Variants in ASPSCR1 observed in about 807,000 individuals in gnomAD.
ASPSCR1 encodes ASPSCR1 tether for SLC2A4, UBX domain containing, also known as tether containing UBX domain for GLUT4.
Under a neutral mutation model 68.9 loss-of-function variants are expected in ASPSCR1, and 55 were observed. The ratio of observed to expected loss-of-function variants is 0.80; its 90% CI spans 0.64 to 1.00. The LOEUF (loss-of-function observed/expected upper bound fraction) is 1.00. ASPSCR1 is among the 50% of genes least tolerant of loss of function. The probability of loss-of-function intolerance (pLI) is 0.00; values close to 1 mark genes in which losing one functional copy is unlikely to be tolerated. For missense variants in ASPSCR1, 765 were observed against 762.2 expected (o/e 1.00, Z -0.04); for synonymous variants, 352 against 332.6 (o/e 1.06, Z -0.63).
intron 3 of ASPSCR1, among the ~76,000 whole-genome samples, chr17:81,985,114 C>G (rs1226067571): frequency 2.0e-5 from 3 of 150,062 alleles, no homozygotes; most frequent in Non-Finnish European, 4.4e-5. Flanking sequence ...CCGCACACAC[C>G]TGCATGTAAA....
At position 82,017,108 on chromosome 17, in the gene ASPSCR1, T is replaced by C; in HGVS notation, c.1643T>C (p.Leu548Pro). 6.3e-7 allele frequency: 1 copy of C among 1,591,018 alleles called. No homozygotes were observed. Among genetic ancestry groups the C allele is most frequent in the Non-Finnish European group, 8.5e-7 (1 of 1,170,478 alleles). The change falls in exon 15 of 16, where the codon CTG becomes CCG. Residue 548 changes from leucine (L) to proline (P), a missense_variant. Transcript: ENST00000306739. The stretch of plus-strand genomic sequence containing the variant: ...GGCAAGGTGCCCAAGTGGCTGAAGC[T>C]GCCGGGTACTGCGGCTGGGTGGAAG... ...SLGKVPKWLKLPASKR is the reference protein window; with the variant it reads ...SLGKVPKWLKPPASKR
chr17:82,010,088 T>TTTG (rs1555638225), intron 9 of ASPSCR1: 8 of 103,488 alleles, frequency 7.7e-5, no homozygotes, highest in Admixed American at 1.9e-4. Flanking sequence ...ATTTTTGTTG[T>TTTG]TTTTTTTTTT....
intron 4 of ASPSCR1, among the ~76,000 whole-genome samples, chr17:81,988,731 A>G (rs904582281): frequency 3.3e-5 from 5 of 152,158 alleles, no homozygotes; most frequent in Non-Finnish European, 7.3e-5. Flanking sequence ...CACTCCTCAC[A>G]GCCATGCTCT....
intron 12 of ASPSCR1, chr17:82,014,365 T>G (rs1462209689): frequency 6.5e-6 from 1 of 152,772 alleles, no homozygotes; most frequent in Admixed American, 6.5e-5. Context: ...ACAAATGGTC[T>G]TGCAGAAGGC....
intron 12 of ASPSCR1, chr17:82,014,758 G>C (rs759107268): frequency 6.9e-6 from 3 of 435,926 alleles, no homozygotes; most frequent in East Asian, 4.3e-5. Flanking sequence ...GGGGGTTGAC[G>C]TGGGCCTCCT....
rs2041716477 is a variant in ASPSCR1 at position 81,979,209 on chromosome 17, A to G, written c.128A>G (p.Gln43Arg). Residue 43 changes from glutamine (Q) to arginine (R), a missense_variant, in exon 2 of 16, where the codon CAG becomes CGG. By Grantham distance (43) the Gln-to-Arg change is conservative. Transcript: ENST00000306739. ...LQVLEDTCRR[Q>R]DFNPCEYDLK... Reference sequence around the variant, plus strand: ...GTTCTGGAGGACACGTGCCGGCGGCAGGACTTCAACCCCTGTGAATATGAT... The same window carrying G: ...GTTCTGGAGGACACGTGCCGGCGGCGGGACTTCAACCCCTGTGAATATGAT... The G allele has an allele frequency of 1.2e-6, 2 of 1,614,038 alleles. No individual in the cohort carries two copies. Among genetic ancestry groups the G allele is most frequent in the Admixed American group, 1.7e-5 (1 of 60,006 alleles).
chr17:82,015,225 C>A, intron 12 of ASPSCR1: 1 of 1,598,218 alleles, frequency 6.3e-7, no homozygotes, highest in Non-Finnish European at 8.5e-7. Context: ...ATCCAGAGGC[C>A]GAGCCTCTCC....
intron 2 of ASPSCR1, among the ~76,000 whole-genome samples, chr17:81,979,810 G>A (rs949846749): frequency 1.3e-5 from 2 of 152,118 alleles, no homozygotes; most frequent in Non-Finnish European, 2.9e-5. Flanking sequence ...ACAGCCCCTG[G>A]AATTACACGT....
intron 7 of ASPSCR1, among the ~76,000 whole-genome samples, chr17:82,003,533 C>T (rs1464443103): frequency 6.6e-6 from 1 of 152,248 alleles, no homozygotes; most frequent in Admixed American, 6.5e-5. Context: ...GGGCCATGAG[C>T]ATCGGTGCGG....
chr17:82,017,149 C>G (rs768355936), intron 15 of ASPSCR1, 36 bp downstream of exon 15: 3 of 1,559,306 alleles, frequency 1.9e-6, no homozygotes, highest in Non-Finnish European at 2.6e-6. Flanking sequence ...GTGCTGTGGC[C>G]GGGTGGAGGG....
At chr17:82,015,242 T>C (rs774266642) in intron 12 of ASPSCR1, 2 of 1,598,286 alleles carry the variant, frequency 1.3e-6, no homozygotes. Context: ...CTCCAAGCAC[T>C]GGTCAGCCTC....
chr17:81,984,369 G>C (rs1385465001), intron 3 of ASPSCR1, among the ~76,000 whole-genome samples: 1 of 152,082 alleles, frequency 6.6e-6, no homozygotes, highest in Non-Finnish European at 1.5e-5. Context: ...CCTGAGGTCA[G>C]GAGTTTGGGA....
Position 81,996,001 on chromosome 17 carries a change from G to T in ASPSCR1, c.442G>T (p.Glu148Ter). ...GCTGCTCCTCCTGCAGGTGACGGGTGAAGCTGCCCTGCGGGGCACGACGCT... is the reference window on the plus strand; with the variant it reads ...GCTGCTCCTCCTGCAGGTGACGGGTTAAGCTGCCCTGCGGGGCACGACGCT... ...CVYTRDEVTG[E>*]AALRGTTLQS... is the part of the protein sequence containing the mutation. Residue 148 changes from glutamate to a stop codon, truncating the protein, a stop_gained, in exon 6 of 16, where the codon GAA becomes TAA. Coordinates refer to ENST00000306739, the MANE Select transcript of ASPSCR1 (RefSeq NM_024083.4). LOFTEE classifies it high-confidence loss of function. 1 of 1,609,986 alleles carries T rather than the reference G, an allele frequency of 6.2e-7. No homozygotes were observed. The highest frequency in any genetic ancestry group is 8.5e-7 in the Non-Finnish European group (1 of 1,179,050).
Position 81,984,676 on chromosome 17 carries a change from T to C in ASPSCR1, c.274-831T>C, listed in dbSNP as rs564092305. Among the ~76,000 whole-genome samples, 4 of 151,992 alleles carry C rather than the reference T, an allele frequency of 2.6e-5. No homozygotes were observed. The South Asian group carries it at 8.3e-4, about 32-fold the overall frequency. On this transcript the variant is annotated intron_variant, in intron 3 of 15. Coordinates refer to ENST00000306739, the MANE Select transcript of ASPSCR1 (RefSeq NM_024083.4). ...CTTAGCTCAGTGTCTGTCCTGAGGC[T>C]GCAGTCAGGTTCGGTGGAGCTGCAA...
At position 82,016,388 on chromosome 17, in the gene ASPSCR1, G is replaced by A. The variant is rs1037159664; in HGVS notation, c.1354-88G>A. ...GCAGAGCCTGTCTGAGGGTGGAGCT[G>A]GGGCCTGGCCCTGGGGGTGTAGCTG... On this transcript the variant is annotated intron_variant, in intron 12 of 15. Coordinates refer to ENST00000306739, the MANE Select transcript of ASPSCR1 (RefSeq NM_024083.4). 2.3e-5 allele frequency: 28 copies of A among 1,231,802 alleles called. No homozygotes were observed. The African/African-American group carries it at 3.0e-4, about 13-fold the overall frequency. 76.3% of individuals were successfully genotyped at this position (1,231,802 alleles called of 1,614,324 possible).
chr17:81,978,874 C>T (rs1012167533), intron 1 of ASPSCR1: 7 of 450,578 alleles, frequency 1.6e-5, no homozygotes, highest in Non-Finnish European at 2.4e-5. Flanking sequence ...TGCAGAACTA[C>T]AGGGTTTGAA....
chr17:81,996,329 C>T (rs1275461979), intron 6 of ASPSCR1, 91 bp from the exon 7 acceptor site: 312 of 1,335,878 alleles, frequency 2.3e-4, no homozygotes, highest in Non-Finnish European at 2.8e-4. Context: ...GAGGGTGAGC[C>T]GGGGGCGGGA....
intron 2 of ASPSCR1, among the ~76,000 whole-genome samples, chr17:81,982,849 T>A (rs900374925): frequency 6.6e-6 from 1 of 152,126 alleles, no homozygotes; most frequent in African/African-American, 2.4e-5. Context: ...GTTTTGCTCT[T>A]GTTGCCCAGG....
intron 8 of ASPSCR1, 134 bp from the exon 9 acceptor site, chr17:82,009,351 GC>G: frequency 7.4e-7 from 1 of 1,358,076 alleles, no homozygotes; most frequent in Non-Finnish European, 9.9e-7. Context: ...CCAGGGAGGG[GC>G]GTCCAGACCT....
Sources: gnomAD v4.1 joint callset for allele counts (sites outside exome capture counted in the v4.1 genomes callset) on GRCh38, gnomAD v4.1.1 for gene constraint, MANE v1.5 for transcripts, NCBI Gene and HGNC (gene_info 2026-07-23, HGNC 2026-07-21) for gene names.